MAST3: variants seen among roughly 807,000 people sequenced by gnomAD.
MAST3 encodes microtubule associated serine/threonine kinase 3.
In MAST3, 43 loss-of-function variants were observed where a neutral mutation model predicts 127.0. That is an observed-to-expected ratio of 0.34 (90% CI 0.27 to 0.44). The LOEUF (loss-of-function observed/expected upper bound fraction) is 0.44, where lower values mean the gene tolerates loss of function less well. Ranked by LOEUF, MAST3 falls within the 20% of genes least tolerant of loss-of-function variation. The pLI, the probability that MAST3 is intolerant of heterozygous loss-of-function variation, is 1.00. For synonymous variants in MAST3, 785 were observed against 809.2 expected (o/e 0.97, Z 0.51); for missense variants, 1,390 against 1,919.1 (o/e 0.72, Z 5.15).
At chr19:18,132,113 CA>C in intron 15 of MAST3, 66 bp downstream of exon 15, 1 of 1,588,586 alleles carries the variant, frequency 6.3e-7, no homozygotes, top group Non-Finnish European at 8.6e-7. Context: ...GGGGCGGGGC[CA>C]AAGAGGATCA....
intron 11 of MAST3, 81 bp from the exon 12 acceptor site, chr19:18,128,319 C>T: frequency 8.4e-7 from 1 of 1,188,910 alleles, no homozygotes; most frequent in Non-Finnish European, 1.2e-6. Flanking sequence ...GGGGTGAGAA[C>T]TCTAGAGGCC....
At chr19:18,128,353 G>C in intron 11 of MAST3, 47 bp from the exon 12 acceptor site, 1 of 1,476,802 alleles carries the variant, frequency 6.8e-7, no homozygotes. Flanking sequence ...GGGTGATGCA[G>C]GGTGAGGCAG....
intron 15 of MAST3, among the ~76,000 whole-genome samples, chr19:18,134,115 T>C (rs2041634242): frequency 6.6e-6 from 1 of 152,008 alleles, no homozygotes; most frequent in Non-Finnish European, 1.5e-5. Flanking sequence ...AACAATTCTG[T>C]GCCGGCACTT....
At chr19:18,128,599 C>T (rs1219023335) in intron 12 of MAST3, 141 bp downstream of exon 12, 4 of 905,912 alleles carry the variant, frequency 4.4e-6, no homozygotes, top group East Asian at 5.3e-5. Context: ...GGTGACGGCA[C>T]GTGGGACTGC....
chr19:18,149,790 A>G lies in MAST3; in HGVS notation c.*64A>G. ...TTTTCTTGTGCAATGTTTTTTCCGT[A>G]AAGTCATGCCTGGATGGGGACTGAG... is the stretch of plus-strand genomic sequence containing the variant. On this transcript the variant is annotated 3_prime_UTR_variant, in exon 28 of 28. Transcript: ENST00000687212. This position sits in a 1 kb window ranked among gnomAD's most constrained non-coding sequence, Gnocchi z 5.9. The G allele has an allele frequency of 6.3e-7, 1 of 1,594,414 alleles. No individual in the cohort carries two copies. The highest frequency in any genetic ancestry group is 2.2e-5 in the East Asian group (1 of 44,622).
At chr19:18,120,397 A>G (rs2039823224) in intron 3 of MAST3, among the ~76,000 whole-genome samples, 1 of 152,112 alleles carries the variant, frequency 6.6e-6, no homozygotes, top group African/African-American at 2.4e-5. Flanking sequence ...GGTACAGGGA[A>G]AAGTGTGGGG....
chr19:18,110,005 G>C lies in MAST3; in HGVS notation c.72-647G>C, dbSNP rs1005266691. On this transcript the variant is annotated intron_variant, in intron 2 of 27. Coordinates refer to ENST00000687212, the MANE Select transcript of MAST3 (RefSeq NM_001393504.1). This position sits in a 1 kb window ranked among gnomAD's most constrained non-coding sequence, Gnocchi z 4.3. Reference sequence around the variant, plus strand: ...GCCCTTCCCTTCCGGGGCGCAGCTCGGGGGCTCCCAAGCCGGCGGCCTCGG... The same window carrying C: ...GCCCTTCCCTTCCGGGGCGCAGCTCCGGGGCTCCCAAGCCGGCGGCCTCGG... 1.0e-6 allele frequency: 1 copy of C among 985,336 alleles called. No individual in the cohort carries two copies. Among genetic ancestry groups the C allele is most frequent in the Middle Eastern group, 5.2e-4 (1 of 1,912 alleles). The allele number at this position is 985,336 out of a possible 1,614,324, so 61.0% of individuals were successfully genotyped here. A position where few individuals can be genotyped will look rare whatever the true frequency, so the allele number is the denominator to read the frequency against.
At chr19:18,120,824 C>T (rs2039885245) in intron 3 of MAST3, among the ~76,000 whole-genome samples, 1 of 152,226 alleles carries the variant, frequency 6.6e-6, no homozygotes, top group Admixed American at 6.5e-5. Flanking sequence ...TGGGTTCAAG[C>T]GATTCTCCTG....
intron 15 of MAST3, among the ~76,000 whole-genome samples, chr19:18,134,223 A>T (rs555448601): frequency 2.1e-4 from 31 of 151,170 alleles, no homozygotes; most frequent in African/African-American, 4.6e-4. Flanking sequence ...ACACTAAAAA[A>T]ATATATATAT....
chr19:18,141,530 G>A (rs4808752), intron 20 of MAST3, among the ~76,000 whole-genome samples: 142,786 of 152,014 alleles, frequency 0.94, 67,085 homozygotes, highest in East Asian at 0.96. Context: ...GTGCCACCAC[G>A]CCCAGCTAAT....
At position 18,145,333 on chromosome 19, in the gene MAST3, A is replaced by G; in HGVS notation, c.3039+104A>G. ...TTTGGAGCCTGGCAGGGTTAGGTAG[A>G]TAGAGCTGGTGCCACCGAGTTCATC... On this transcript the variant is annotated intron_variant, in intron 24 of 27. Coordinates refer to ENST00000687212, the MANE Select transcript of MAST3 (RefSeq NM_001393504.1). This position sits in a 1 kb window ranked among gnomAD's most constrained non-coding sequence, Gnocchi z 5.9. 5 of 1,115,956 alleles carry G rather than the reference A, an allele frequency of 4.5e-6. No homozygotes were observed. The highest frequency in any genetic ancestry group is 2.7e-5 in the South Asian group (2 of 74,510). 69.1% of individuals were successfully genotyped at this position (1,115,956 alleles called of 1,614,324 possible).
At chr19:18,121,815 GC>G (rs1487376128) in intron 4 of MAST3, 37 bp from the exon 5 acceptor site, 2 of 1,613,578 alleles carry the variant, frequency 1.2e-6, no homozygotes, top group East Asian at 2.2e-5. Flanking sequence ...TCCTGCCTCT[GC>G]CCCGCTGACT....
intron 3 of MAST3, among the ~76,000 whole-genome samples, chr19:18,111,291 G>A (rs370813115): frequency 3.4e-5 from 5 of 145,298 alleles, no homozygotes; most frequent in Admixed American, 1.4e-4. Context: ...TCCATCCCCC[G>A]GGGGCCAAGC....
chr19:18,138,654 C>T (rs1241589372), intron 19 of MAST3, among the ~76,000 whole-genome samples: 1 of 152,110 alleles, frequency 6.6e-6, no homozygotes, highest in African/African-American at 2.4e-5. Context: ...CTTACCACTA[C>T]TGCCCAGCTA....
intron 21 of MAST3, among the ~76,000 whole-genome samples, chr19:18,143,433 C>A (rs866859248): frequency 2.6e-5 from 4 of 151,950 alleles, no homozygotes; most frequent in Non-Finnish European, 5.9e-5. Context: ...AAAATTAGCC[C>A]AGTGTGGCGG....
chr19:18,104,127 C>T (rs978107622), intron 1 of MAST3, among the ~76,000 whole-genome samples: 2 of 124,744 alleles, frequency 1.6e-5, no homozygotes, highest in Non-Finnish European at 3.2e-5. Context: ...TTGCAGTGAG[C>T]CAAGATTGCA....
chr19:18,122,277 T>C (rs911019422), intron 5 of MAST3: 1 of 368,706 alleles, frequency 2.7e-6, no homozygotes, highest in African/African-American at 2.2e-5. Context: ...CATTTATTTA[T>C]TCATACAACA....
rs766988885 is a variant in MAST3, at chr19:18,141,909, G to A, written c.2233G>A (p.Val745Ile). ...KVYSSSEFLA[V>I]QPTPTFAERS... ...CTACAGCAGCTCTGAGTTCCTGGCC[G>A]TCCAGCCCACTCCTACCTTCGCTGA... The change falls in exon 21 of 28, where the codon GTC becomes ATC. Residue 745 changes from valine to isoleucine, a missense_variant. Physicochemically the swap from Val to Ile is conservative, Grantham distance 29 (BLOSUM62 3). Transcript: ENST00000687212. 2.0e-5 allele frequency: 30 copies of A among 1,518,370 alleles called. No individual in the cohort carries two copies. Among genetic ancestry groups the A allele is most frequent in the Middle Eastern group, 1.7e-4 (1 of 5,830 alleles). The allele number at this position is 1,518,370 out of a possible 1,614,324, so 94.1% of individuals were successfully genotyped here. A position where few individuals can be genotyped will look rare whatever the true frequency, so the allele number is the denominator to read the frequency against.
Position 18,128,038 on chromosome 19 carries a change from G to A in MAST3, c.1079-362G>A, listed in dbSNP as rs141623187. 4.7e-3 allele frequency among the ~76,000 whole-genome samples: 715 copies of A among 152,268 alleles called. 8 individuals carry two copies. Among genetic ancestry groups the A allele is most frequent in the African/African-American group, 0.016 (659 of 41,546 alleles). ...AGGGGCTGCCCCTCTGCCAAGGCCT[G>A]GGGCAAGAACATATTGGACCCTCCA... On this transcript the variant is annotated intron_variant, in intron 11 of 27. Coordinates refer to ENST00000687212, the MANE Select transcript of MAST3 (RefSeq NM_001393504.1).
Sources: gnomAD v4.1 joint callset for allele counts (sites outside exome capture counted in the v4.1 genomes callset) on GRCh38, gnomAD v4.1.1 for gene constraint, Gnocchi (gnomAD v3.1) non-coding constraint, MANE v1.5 for transcripts, NCBI Gene and HGNC (gene_info 2026-07-23, HGNC 2026-07-21) for gene names.